Variants in ZNF335 observed in about 807,000 individuals in gnomAD.
ZNF335 encodes the protein NRC-interacting factor 1.
Under a neutral mutation model 145.6 loss-of-function variants are expected in ZNF335, and 84 were observed. The ratio of observed to expected loss-of-function variants is 0.58; its 90% CI spans 0.48 to 0.69. The LOEUF is 0.69. Ranked by LOEUF, ZNF335 falls within the 30% of genes least tolerant of loss-of-function variation. ZNF335 has a pLI of 0.00. For synonymous variants in ZNF335, 761 were observed against 717.0 expected (o/e 1.06, Z -0.98); for missense variants, 1,865 against 1,809.7 (o/e 1.03, Z -0.55).
chr20:45,965,551 G>A (rs1257547693), intron 7 of ZNF335, 77 bp downstream of exon 7: 1 of 1,515,532 alleles, frequency 6.6e-7, no homozygotes, highest in Non-Finnish European at 8.8e-7. Context: ...TCAGTCCCCA[G>A]AACTCCACAG....
chr20:45,968,510 CCT>C, intron 3 of ZNF335, 148 bp from the exon 4 acceptor site: 1 of 675,680 alleles, frequency 1.5e-6, no homozygotes. Flanking sequence ...CTGTGTCACC[CCT>C]GAGCCTCAGT....
rs769206900 is a variant in ZNF335, at chr20:45,949,079, T to G, written c.3903A>C (p.Ala1301=). The change falls in exon 28 of 28, where the codon GCA becomes GCC. Residue 1301 remains alanine (A), a splice_region_variant and synonymous_variant. Transcript: ENST00000322927. ...CTTGGGCCATGGCAGCATCAGCCAC[T>G]GCTGCCAGGGGAGGGGAAAGTATGG... ...LEAAAHSAVT[A]VADAAMAQAQ... is the part of the protein sequence containing the mutation. 1 of 1,613,780 alleles carries G rather than the reference T, an allele frequency of 6.2e-7. No individual in the cohort carries two copies. The highest frequency in any genetic ancestry group is 8.5e-7 in the Non-Finnish European group (1 of 1,180,012).
rs1306523260 is a variant in ZNF335, at chr20:45,960,325, CCTT to C, written c.1900_1902del (p.Lys634del). ...TGGGACAACTGGTGGTTCAGCAGTG[CCTT>C]CTTGTCTTCACAAACAAACTCACAG... On this transcript the variant is annotated inframe_deletion, in exon 14 of 28. Transcript: ENST00000322927. 3 of 1,614,150 alleles carry C rather than the reference CCTT, an allele frequency of 1.9e-6. No individual in the cohort carries two copies. The highest frequency in any genetic ancestry group is 1.3e-5 in the African/African-American group (1 of 75,030).
intron 15 of ZNF335, among the ~76,000 whole-genome samples, chr20:45,958,661 C>T (rs2083771459): frequency 1.3e-5 from 2 of 152,222 alleles, no homozygotes; most frequent in Non-Finnish European, 2.9e-5. Flanking sequence ...CATTTCTCAG[C>T]CTCCCTTGCA....
rs761260260 is a variant in ZNF335, at chr20:45,950,327, T to A, written c.3379A>T (p.Ser1127Cys). Reference sequence around the variant, plus strand: ...GTTCCTGACTTCCTCCCATCAGGACTGTGCAGCCGCTGGATGTGGAACTTG... The same window carrying A: ...GTTCCTGACTTCCTCCCATCAGGACAGTGCAGCCGCTGGATGTGGAACTTG... ...HLKFHIQRLH[S>C]PDGRKSGTPT... is the part of the protein sequence containing the mutation. The change falls in exon 22 of 28, where the codon AGT becomes TGT. Residue 1127 changes from serine to cysteine, a missense_variant. Coordinates refer to ENST00000322927, the MANE Select transcript of ZNF335 (RefSeq NM_022095.4). 2 of 1,579,930 alleles carry A rather than the reference T, an allele frequency of 1.3e-6. No homozygotes were observed. Among genetic ancestry groups the A allele is most frequent in the Non-Finnish European group, 1.7e-6 (2 of 1,160,726 alleles).
At chr20:45,961,600 C>T (rs1230190309) in intron 10 of ZNF335, 1 of 153,302 alleles carries the variant, frequency 6.5e-6, no homozygotes, top group Non-Finnish European at 1.4e-5. Context: ...CCAACCTCTG[C>T]TCACACACCA....
Position 45,948,676 on chromosome 20 carries a change from G to C in ZNF335, c.*277C>G, listed in dbSNP as rs543478338. ...AGTAAGCTGTTCAGGACTGGACTCCGGTCCCTTTATTGAGACTGACAGGCC... is the reference window on the plus strand; with the variant it reads ...AGTAAGCTGTTCAGGACTGGACTCCCGTCCCTTTATTGAGACTGACAGGCC... On this transcript the variant is annotated 3_prime_UTR_variant, in exon 28 of 28. Transcript: ENST00000322927. 2 of 453,196 alleles carry C rather than the reference G, an allele frequency of 4.4e-6. No homozygotes were observed. The highest frequency in any genetic ancestry group is 8.2e-6 in the Non-Finnish European group (2 of 243,624). 28.1% of individuals were successfully genotyped at this position (453,196 alleles called of 1,614,324 possible). A position where few individuals can be genotyped will look rare whatever the true frequency, so the allele number is the denominator to read the frequency against.
intron 1 of ZNF335, chr20:45,971,850 G>A: frequency 2.0e-6 from 2 of 985,400 alleles, no homozygotes; most frequent in Non-Finnish European, 2.4e-6. Context: ...CTCCCCCCCG[G>A]TTCCCCTGCG....
Position 45,967,338 on chromosome 20 carries a change from G to A in ZNF335, c.955+156C>T, listed in dbSNP as rs1369119765. ...GCACCCTGCACAACTGCACACAGAA[G>A]TCCTGGTCCCAGAGCACAACCTCCT... On this transcript the variant is annotated intron_variant, in intron 6 of 27. Coordinates refer to ENST00000322927, the MANE Select transcript of ZNF335 (RefSeq NM_022095.4). 8.8e-6 allele frequency: 10 copies of A among 1,138,854 alleles called. No individual in the cohort carries two copies. In the East Asian group the frequency reaches 2.2e-4, roughly 25 times the overall value. The allele number at this position is 1,138,854 out of a possible 1,614,324, so 70.5% of individuals were successfully genotyped here.
intron 3 of ZNF335, 80 bp from the exon 4 acceptor site, chr20:45,968,442 G>A: frequency 7.2e-7 from 1 of 1,381,472 alleles, no homozygotes; most frequent in African/African-American, 1.4e-5. Flanking sequence ...CCCCACTTTG[G>A]CCTGTGAGCA....
At chr20:45,971,629 G>A (rs554382137) in intron 1 of ZNF335, 169 bp from the exon 2 acceptor site, 6 of 985,348 alleles carry the variant, frequency 6.1e-6, no homozygotes, top group African/African-American at 3.5e-5. Flanking sequence ...AAAACTTGAC[G>A]GAGAAGCTGT....
Position 45,968,296 on chromosome 20 carries a change from C to T in ZNF335, c.509G>A (p.Gly170Asp), listed in dbSNP as rs1229983403. ...ACCTGGGGTCTTACCATCATCTGGG[C>T]CCTGTAGGATCAGGTACCGTGTGGT... ...AETTRYLILQ[G>D]PDDGAPMTSP... The change falls in exon 4 of 28, where the codon GGC becomes GAC. Residue 170 changes from glycine to aspartate, a missense_variant. Transcript: ENST00000322927. The T allele has an allele frequency of 2.5e-6, 4 of 1,613,234 alleles. No individual in the cohort carries two copies. The highest frequency in any genetic ancestry group is 3.4e-6 in the Non-Finnish European group (4 of 1,179,480).
intron 20 of ZNF335, among the ~76,000 whole-genome samples, chr20:45,950,839 C>T (rs192693115): frequency 3.7e-4 from 56 of 152,230 alleles, no homozygotes; most frequent in Non-Finnish European, 5.9e-4. Context: ...TCTCACTTTA[C>T]CCATATGTAA....
In ZNF335 at chr20:45,950,615, G is replaced by C. The variant is rs747827361; in HGVS notation, c.3190-20C>G. ...GTGCGCCTGCAGAGAGGGCAGAGTT[G>C]GGGGCATTGGCTGGGTCAGGACAGA... is the stretch of plus-strand genomic sequence containing the variant. On this transcript the variant is annotated intron_variant, in intron 20 of 27. Transcript: ENST00000322927. 5 of 1,613,334 alleles carry C rather than the reference G, an allele frequency of 3.1e-6. No individual in the cohort carries two copies. The South Asian group carries it at 3.3e-5, about 11-fold the overall frequency.
Position 45,950,331 on chromosome 20 carries a change from C to A in ZNF335, c.3375G>T (p.Leu1125=). Residue 1125 remains leucine, a synonymous_variant, in exon 22 of 28, where the codon CTG becomes CTT. Transcript: ENST00000322927. ...CTGACTTCCTCCCATCAGGACTGTG[C>A]AGCCGCTGGATGTGGAACTTGAGGT... ...NGHLKFHIQR[L]HSPDGRKSGT... 1 of 1,580,878 alleles carries A rather than the reference C, an allele frequency of 6.3e-7. No individual in the cohort carries two copies. The highest frequency in any genetic ancestry group is 1.2e-5 in the South Asian group (1 of 84,642).
intron 26 of ZNF335, 33 bp downstream of exon 26, chr20:45,949,300 G>C: frequency 1.2e-6 from 2 of 1,613,992 alleles, no homozygotes; most frequent in Non-Finnish European, 1.7e-6. Context: ...ACCTGCCTGT[G>C]CCCCAGGTCT....
intron 1 of ZNF335, 67 bp downstream of exon 1, chr20:45,972,055 T>A: frequency 3.2e-6 from 4 of 1,267,506 alleles, no homozygotes; most frequent in Non-Finnish European, 4.1e-6. Context: ...CCTCCGGGTA[T>A]CCCCGCAGTG....
At chr20:45,949,286 A>G (rs775916857) in intron 26 of ZNF335, 35 bp from the exon 27 acceptor site, 1 of 1,613,986 alleles carries the variant, frequency 6.2e-7, no homozygotes, top group Non-Finnish European at 8.5e-7. Flanking sequence ...GCTGGCCTGG[A>G]GAAACCTGCC....
intron 1 of ZNF335, 84 bp from the exon 2 acceptor site, chr20:45,971,544 G>A (rs2084067834): frequency 6.8e-7 from 1 of 1,475,230 alleles, no homozygotes; most frequent in Non-Finnish European, 9.0e-7. Context: ...GCACCCCTGC[G>A]CCCATTTTGC....
Sources: allele counts gnomAD v4.1 joint callset (sites outside exome capture counted in the v4.1 genomes callset), GRCh38; gene constraint gnomAD v4.1.1; transcripts MANE v1.5; gene names NCBI Gene and HGNC (gene_info 2026-07-23, HGNC 2026-07-21).